The following TWSG1 variants were observed in gnomAD, a reference collection of about 807,000 sequenced individuals.
TWSG1 encodes the protein twisted gastrulation protein homolog 1.
In TWSG1, 15 loss-of-function variants were observed where a neutral mutation model predicts 23.0. The ratio of observed to expected loss-of-function variants is 0.65; its 90% CI spans 0.44 to 1.00. TWSG1 has a LOEUF of 1.00. TWSG1 is among the 50% of genes least tolerant of loss of function. The pLI, the probability that TWSG1 is intolerant of heterozygous loss-of-function variation, is 0.00. For missense variants in TWSG1, 242 were observed against 278.7 expected, an observed-to-expected ratio of 0.87 and a Z score of 0.94; for synonymous variants, 86 against 92.8, an observed-to-expected ratio of 0.93 and a Z score of 0.42.
rs541787217 is a variant in TWSG1, at chr18:9,349,956, A to G, written c.124-10016A>G. 2.0e-5 allele frequency among the ~76,000 whole-genome samples: 3 copies of G among 152,276 alleles called. No homozygotes were observed. In the East Asian group the frequency reaches 5.8e-4, roughly 29 times the overall value. The stretch of plus-strand genomic sequence containing the variant: ...GGAGTTTGAGAACAGCCTGACCAAC[A>G]TGGTGAAACCCCGTCTCTATTAAAA... On this transcript the variant is annotated intron_variant, in intron 2 of 4. Coordinates refer to ENST00000262120, the MANE Select transcript of TWSG1 (RefSeq NM_020648.6).
At chr18:9,392,507 T>A (rs2040717351) in intron 3 of TWSG1, among the ~76,000 whole-genome samples, 1 of 152,222 alleles carries the variant, frequency 6.6e-6, no homozygotes, top group African/African-American at 2.4e-5. Context: ...GTTTGATCTA[T>A]CCAGACCACT....
At chr18:9,393,448 A>G (rs2040721281) in intron 3 of TWSG1, among the ~76,000 whole-genome samples, 1 of 152,234 alleles carries the variant, frequency 6.6e-6, no homozygotes, top group African/African-American at 2.4e-5. Flanking sequence ...GGCTGATTAA[A>G]CACTGTGTCA....
At chr18:9,346,346 TTACC>T in intron 2 of TWSG1, among the ~76,000 whole-genome samples, 1 of 152,344 alleles carries the variant, frequency 6.6e-6, no homozygotes, top group East Asian at 1.9e-4. Flanking sequence ...TCACTTATTA[TTACC>T]TAATAATATC....
chr18:9,369,921 C>A (rs980421422), intron 3 of TWSG1, among the ~76,000 whole-genome samples: 1 of 152,176 alleles, frequency 6.6e-6, no homozygotes, highest in Non-Finnish European at 1.5e-5. Flanking sequence ...TGTCTCTTCA[C>A]TATATTGATT....
intron 3 of TWSG1, among the ~76,000 whole-genome samples, chr18:9,365,221 G>GTTAAGGCA (rs2040572350): frequency 1.3e-5 from 2 of 152,108 alleles, no homozygotes; most frequent in Non-Finnish European, 2.9e-5. Context: ...TACTTGGGAG[G>GTTAAGGCA]TTAAGGCAGG....
intron 3 of TWSG1, among the ~76,000 whole-genome samples, chr18:9,384,356 A>T (rs2040672479): frequency 6.6e-6 from 1 of 152,212 alleles, no homozygotes; most frequent in Admixed American, 6.5e-5. Context: ...GATGTTCTGT[A>T]GGAAGTTGGA....
chr18:9,353,432 A>G (rs3786173), intron 2 of TWSG1, among the ~76,000 whole-genome samples: 101,365 of 152,060 alleles, frequency 0.67, 34,266 homozygotes, highest in Middle Eastern at 0.75. Flanking sequence ...CCAGACTTTC[A>G]TTTCATATAA....
intron 3 of TWSG1, among the ~76,000 whole-genome samples, chr18:9,368,439 G>A (rs1478818292): frequency 6.6e-6 from 1 of 152,148 alleles, no homozygotes; most frequent in Non-Finnish European, 1.5e-5. Flanking sequence ...TTGACCTCAG[G>A]ATCCACTCGC....
At chr18:9,348,306 AAACCTG>A (rs2040486580) in intron 2 of TWSG1, among the ~76,000 whole-genome samples, 1 of 152,210 alleles carries the variant, frequency 6.6e-6, no homozygotes, top group Admixed American at 6.5e-5. Context: ...GATCTGATAG[AAACCTG>A]AACTTGAACA....
chr18:9,373,225 G>A (rs369710580), intron 3 of TWSG1, among the ~76,000 whole-genome samples: 8 of 152,310 alleles, frequency 5.3e-5, no homozygotes, highest in African/African-American at 1.9e-4. Context: ...TAATGTGTAT[G>A]CACCTAACAA....
intron 3 of TWSG1, among the ~76,000 whole-genome samples, chr18:9,375,920 C>CT (rs535999368): frequency 0.12 from 18,202 of 148,500 alleles, 1,293 homozygotes; most frequent in Middle Eastern, 0.27. Context: ...CATCTATAGA[C>CT]TTTTTTTTTT....
intron 3 of TWSG1, among the ~76,000 whole-genome samples, chr18:9,382,251 T>C (rs1462874645): frequency 1.1e-4 from 17 of 151,512 alleles, no homozygotes; most frequent in Admixed American, 1.1e-3. Context: ...TGGCTGGGAG[T>C]GGTGGCTCAC....
chr18:9,352,345 T>C (rs1365791321), intron 2 of TWSG1, among the ~76,000 whole-genome samples: 1 of 152,236 alleles, frequency 6.6e-6, no homozygotes, highest in Admixed American at 6.5e-5. Flanking sequence ...TGTTGGACCT[T>C]GCGTGGTTTC....
chr18:9,391,972 C>A (rs750573618), intron 3 of TWSG1, among the ~76,000 whole-genome samples: 17 of 152,176 alleles, frequency 1.1e-4, no homozygotes, highest in Non-Finnish European at 2.4e-4. Flanking sequence ...GTAAACCATG[C>A]TATAAACAAA....
At chr18:9,399,075 A>G (rs771406611) in intron 4 of TWSG1, among the ~76,000 whole-genome samples, 3 of 152,194 alleles carry the variant, frequency 2.0e-5, no homozygotes, top group Non-Finnish European at 4.4e-5. Context: ...TTTAAGCCCA[A>G]TAATCCAACT....
At chr18:9,343,606 G>A (rs533340293) in intron 2 of TWSG1, among the ~76,000 whole-genome samples, 291 of 152,032 alleles carry the variant, frequency 1.9e-3, no homozygotes, top group African/African-American at 6.7e-3. Context: ...ACAAACCCTA[G>A]GCAGTTTACT....
intron 1 of TWSG1, among the ~76,000 whole-genome samples, chr18:9,335,394 C>T (rs1365021886): frequency 1.2e-4 from 18 of 152,224 alleles, no homozygotes; most frequent in Admixed American, 7.8e-4. Flanking sequence ...TTTCTAACTC[C>T]TTAGGAAAAG....
intron 2 of TWSG1, 95 bp downstream of exon 2, chr18:9,337,447 G>A (rs1213401652): frequency 7.3e-7 from 1 of 1,373,164 alleles, no homozygotes; most frequent in Non-Finnish European, 9.9e-7. Flanking sequence ...ATCATATAGA[G>A]TAAGACCTGA....
At chr18:9,340,826 A>G (rs2145590870) in intron 2 of TWSG1, among the ~76,000 whole-genome samples, 1 of 152,356 alleles carries the variant, frequency 6.6e-6, no homozygotes, top group East Asian at 1.9e-4. Flanking sequence ...AGTACTTGAA[A>G]TGTGACTAGT....
Sources: allele counts gnomAD v4.1 joint callset (sites outside exome capture counted in the v4.1 genomes callset), GRCh38; gene constraint gnomAD v4.1.1; transcripts MANE v1.5; gene names NCBI Gene and HGNC (gene_info 2026-07-23, HGNC 2026-07-21).